The following SGCD variants were observed in gnomAD, a reference collection of about 807,000 sequenced individuals.
SGCD encodes the protein sarcoglycan delta, also known as delta-sarcoglycan.
A neutral mutation model predicts 36.6 loss-of-function variants in SGCD; 18 were observed. The ratio of observed to expected loss-of-function variants is 0.49; its 90% CI spans 0.34 to 0.73. SGCD has a LOEUF of 0.73. SGCD is among the 30% of genes least tolerant of loss of function. The pLI is 0.01. For synonymous variants in SGCD, 133 were observed against 130.6 expected (o/e 1.02, Z -0.12); for missense variants, 387 against 346.7 (o/e 1.12, Z -0.92).
intron 3 of SGCD, among the ~76,000 whole-genome samples, chr5:156,158,639 G>A (rs574207686): frequency 4.0e-5 from 6 of 151,676 alleles, no homozygotes; most frequent in South Asian, 2.1e-4. Context: ...CAGTCTTTAC[G>A]GACAAGCCTT....
chr5:156,222,459 C>T (rs1475133723), intron 3 of SGCD, among the ~76,000 whole-genome samples: 1 of 152,020 alleles, frequency 6.6e-6, no homozygotes, highest in Non-Finnish European at 1.5e-5. Flanking sequence ...TTATATCTGA[C>T]ATCTTCCATT....
intron 2 of SGCD, among the ~76,000 whole-genome samples, chr5:156,339,381 T>C (rs1455259300): frequency 6.6e-6 from 1 of 152,232 alleles, no homozygotes; most frequent in Non-Finnish European, 1.5e-5. Context: ...ATTGGTATAA[T>C]TGTATGTGCC....
intron 1 of SGCD, among the ~76,000 whole-genome samples, chr5:155,885,730 A>G (rs1755983226): frequency 1.3e-5 from 2 of 152,242 alleles, no homozygotes; most frequent in Admixed American, 1.3e-4. Context: ...TAGCTTTTCA[A>G]AATCAATGTT....
At chr5:156,211,251 A>ATT (rs1764433883) in intron 3 of SGCD, among the ~76,000 whole-genome samples, 1 of 152,190 alleles carries the variant, frequency 6.6e-6, no homozygotes, top group Non-Finnish European at 1.5e-5. Flanking sequence ...TCCCAGACAA[A>ATT]CAAAAGCTTA....
At chr5:156,612,749 AC>A (rs1388832721) in intron 6 of SGCD, among the ~76,000 whole-genome samples, 1 of 152,124 alleles carries the variant, frequency 6.6e-6, no homozygotes, top group East Asian at 1.9e-4. Flanking sequence ...AATGGCTACC[AC>A]CCTCCAGAGC....
At chr5:155,759,085 T>C in the SGCD span, among the ~76,000 whole-genome samples, 1 of 152,098 alleles carries the variant, frequency 6.6e-6, no homozygotes, top group Non-Finnish European at 1.5e-5. Context: ...CAAGTGATCC[T>C]CCTGCCTTGG....
At chr5:156,520,335 G>C (rs969385930) in intron 4 of SGCD, among the ~76,000 whole-genome samples, 5 of 152,146 alleles carry the variant, frequency 3.3e-5, no homozygotes, top group African/African-American at 1.2e-4. Context: ...CCTCAGGAGA[G>C]TTACAAACTA....
chr5:156,047,734 G>C (rs1025672098), intron 1 of SGCD, among the ~76,000 whole-genome samples: 2 of 152,118 alleles, frequency 1.3e-5, no homozygotes, highest in South Asian at 2.1e-4. Flanking sequence ...ACAAGGAAAT[G>C]AATATTGTTT....
chr5:156,737,589 A>G (rs1303282086), intron 7 of SGCD, among the ~76,000 whole-genome samples: 2 of 152,142 alleles, frequency 1.3e-5, no homozygotes, highest in East Asian at 3.8e-4. Flanking sequence ...CTCCCCACAG[A>G]GAGGGATTCC....
chr5:156,734,576 T>G (rs1756250900), intron 7 of SGCD, among the ~76,000 whole-genome samples: 1 of 152,214 alleles, frequency 6.6e-6, no homozygotes, highest in Admixed American at 6.5e-5. Flanking sequence ...TTTTCATCAT[T>G]CCATTTCATT....
intron 4 of SGCD, among the ~76,000 whole-genome samples, chr5:156,582,285 G>T (rs1393691342): frequency 6.6e-6 from 1 of 152,082 alleles, no homozygotes; most frequent in Admixed American, 6.5e-5. Flanking sequence ...ATCTCATACG[G>T]GTTTGGGGTT....
chr5:155,809,413 A>C, the SGCD span, among the ~76,000 whole-genome samples: 2 of 152,206 alleles, frequency 1.3e-5, no homozygotes. Flanking sequence ...TAATAAGGAC[A>C]CTAGTCTGGA....
At chr5:156,244,018 G>C (rs1260588666) in intron 3 of SGCD, among the ~76,000 whole-genome samples, 3 of 152,192 alleles carry the variant, frequency 2.0e-5, no homozygotes, top group Admixed American at 6.5e-5. Flanking sequence ...AGAGTCACAT[G>C]ACAGTGAAGA....
At chr5:155,959,442 A>G (rs1456491568) in intron 1 of SGCD, among the ~76,000 whole-genome samples, 1 of 152,100 alleles carries the variant, frequency 6.6e-6, no homozygotes, top group Non-Finnish European at 1.5e-5. Flanking sequence ...AGCATATAAT[A>G]GGGGGATCTG....
At chr5:156,188,968 C>A (rs1327008676) in intron 3 of SGCD, among the ~76,000 whole-genome samples, 1 of 152,116 alleles carries the variant, frequency 6.6e-6, no homozygotes, top group African/African-American at 2.4e-5. Flanking sequence ...AGTGGGTAAT[C>A]ACTCTGTGGT....
intron 3 of SGCD, among the ~76,000 whole-genome samples, chr5:156,138,396 A>G (rs1261347900): frequency 3.3e-5 from 5 of 152,192 alleles, no homozygotes; most frequent in African/African-American, 1.2e-4. Context: ...GCGAGACTTC[A>G]TCTCAAAACA....
intron 3 of SGCD, among the ~76,000 whole-genome samples, chr5:156,142,337 C>T (rs183957484): frequency 6.6e-6 from 1 of 152,128 alleles, no homozygotes; most frequent in African/African-American, 2.4e-5. Flanking sequence ...TTCTTTACAA[C>T]AATGTGAGAA....
At chr5:156,161,819 T>A (rs545807557) in intron 3 of SGCD, among the ~76,000 whole-genome samples, 74 of 151,736 alleles carry the variant, frequency 4.9e-4, no homozygotes, top group Non-Finnish European at 8.2e-4. Context: ...AACTTCTTAA[T>A]GTTTCTGAAT....
At chr5:156,067,930 G>C (rs1386875761) in intron 1 of SGCD, among the ~76,000 whole-genome samples, 1 of 147,860 alleles carries the variant, frequency 6.8e-6, no homozygotes, top group Admixed American at 6.6e-5. Flanking sequence ...GCTGTAGACC[G>C]GAGCTGTTCC....
Sources: gnomAD v4.1 joint callset for allele counts (sites outside exome capture counted in the v4.1 genomes callset) on GRCh38, gnomAD v4.1.1 for gene constraint, MANE v1.5 for transcripts, NCBI Gene and HGNC (gene_info 2026-07-23, HGNC 2026-07-21) for gene names.